Variants in TRAK1 observed in about 807,000 individuals in gnomAD.
The protein encoded by TRAK1 is trafficking kinesin protein 1.
In TRAK1, 33 loss-of-function variants were observed where a neutral mutation model predicts 92.1. The observed-to-expected ratio is 0.36, with a 90% confidence interval of 0.27 to 0.48. The LOEUF is 0.48. Among genes scored for constraint, TRAK1 ranks in the 20% least tolerant of loss-of-function variants. The pLI, the probability that TRAK1 is intolerant of heterozygous loss-of-function variation, is 0.99. For missense variants in TRAK1, 1,123 were observed against 1,257.9 expected (o/e 0.89, Z 1.62); for synonymous variants, 521 against 517.3 (o/e 1.01, Z -0.10).
chr3:42,140,386 T>G (rs1698494625), intron 2 of TRAK1, among the ~76,000 whole-genome samples: 1 of 152,076 alleles, frequency 6.6e-6, no homozygotes, highest in South Asian at 2.1e-4. Context: ...TCCCAGCATT[T>G]TGGGAGGCTG....
chr3:42,029,562 T>C (rs1275995146), intron 1 of TRAK1, among the ~76,000 whole-genome samples: 1 of 151,504 alleles, frequency 6.6e-6, no homozygotes, highest in East Asian at 1.9e-4. Flanking sequence ...TTTTTTTTTT[T>C]TTTTTGAGAC....
intron 11 of TRAK1, among the ~76,000 whole-genome samples, chr3:42,199,666 C>G (rs1056730486): frequency 6.6e-5 from 10 of 152,208 alleles, no homozygotes; most frequent in African/African-American, 2.4e-4. Context: ...CCATGTTGCT[C>G]AGGCTGATCT....
chr3:42,155,337 C>T (rs577234583), intron 2 of TRAK1, among the ~76,000 whole-genome samples: 1 of 152,266 alleles, frequency 6.6e-6, no homozygotes, highest in African/African-American at 2.4e-5. Context: ...AGACACCCTT[C>T]CAAATGTAAA....
At chr3:42,088,308 C>T (rs999855282), upstream of TRAK1, among the ~76,000 whole-genome samples, 1 of 152,130 alleles carries the variant, frequency 6.6e-6, no homozygotes, top group African/African-American at 2.4e-5. Flanking sequence ...CCGGGGGTCC[C>T]AGCCTGGTGC....
intron 1 of TRAK1, among the ~76,000 whole-genome samples, chr3:42,040,968 G>C (rs1702517482): frequency 6.6e-6 from 1 of 152,076 alleles, no homozygotes; most frequent in South Asian, 2.1e-4. Context: ...GTGAGCCACT[G>C]CGCCCAGCCA....
chr3:42,183,576 GA>G, intron 3 of TRAK1, among the ~76,000 whole-genome samples: 1 of 124,506 alleles, frequency 8.0e-6, no homozygotes, highest in Non-Finnish European at 1.8e-5. Flanking sequence ...AAAAAAGAAA[GA>G]AAGAATCAAT....
upstream of TRAK1, among the ~76,000 whole-genome samples, chr3:42,090,404 A>T (rs1704950236): frequency 6.6e-6 from 1 of 152,250 alleles, no homozygotes; most frequent in Admixed American, 6.5e-5. Context: ...GAAACTTCAC[A>T]GCTGGGCGTG....
chr3:42,092,711 G>A (rs9829240), intron 1 of TRAK1, among the ~76,000 whole-genome samples: 1,250 of 101,076 alleles, frequency 0.012, 18 homozygotes, highest in African/African-American at 0.027. Context: ...GTGTTGTGTT[G>A]TGTTATGTTA....
chr3:42,106,346 CAA>C (rs1707566449), intron 1 of TRAK1, among the ~76,000 whole-genome samples: 1 of 150,422 alleles, frequency 6.6e-6, no homozygotes, highest in Non-Finnish European at 1.5e-5. Context: ...AAATGGAAAA[CAA>C]AACAAAAAAA....
upstream of TRAK1, chr3:42,091,209 A>C (rs533761492): frequency 4.4e-6 from 2 of 458,244 alleles, no homozygotes; most frequent in Admixed American, 9.0e-5. Flanking sequence ...CCCAACCTAG[A>C]GGTATCACAT....
intron 1 of TRAK1, among the ~76,000 whole-genome samples, chr3:42,050,126 C>T (rs1012808456): frequency 1.3e-5 from 2 of 150,424 alleles, no homozygotes; most frequent in African/African-American, 2.5e-5. Context: ...GGGAGCCCTC[C>T]AGTCCCCTGC....
chr3:42,116,404 G>C (rs1433272939), intron 1 of TRAK1, among the ~76,000 whole-genome samples: 3 of 152,260 alleles, frequency 2.0e-5, no homozygotes, highest in African/African-American at 7.2e-5. Flanking sequence ...TTCAGCTAAA[G>C]CTGTAAACTG....
chr3:42,153,483 C>T lies in TRAK1; in HGVS notation c.287-23331C>T, dbSNP rs1011980542. On this transcript the variant is annotated intron_variant, in intron 2 of 15. Coordinates refer to ENST00000327628, the MANE Select transcript of TRAK1 (RefSeq NM_001042646.3). ...TTGTTGCTTCAGTTTCTTTTGTAAT[C>T]AGACTTGCTCTCCATCCCCGCTCAC... Among the ~76,000 whole-genome samples the T allele has an allele frequency of 4.6e-5, 7 of 152,120 alleles. No homozygotes were observed. In the South Asian group the frequency reaches 1.0e-3, roughly 23 times the overall value.
At chr3:42,106,493 A>G (rs908635952) in intron 1 of TRAK1, among the ~76,000 whole-genome samples, 4 of 152,258 alleles carry the variant, frequency 2.6e-5, no homozygotes, top group African/African-American at 4.8e-5. Context: ...CCTGGGCAAC[A>G]TAGTGAGACC....
At chr3:42,075,362 A>G (rs986197176) in intron 1 of TRAK1, among the ~76,000 whole-genome samples, 6 of 133,008 alleles carry the variant, frequency 4.5e-5, no homozygotes, top group Non-Finnish European at 6.6e-5. Context: ...AAAAAAAAAA[A>G]AAAAGAATGA....
intron 14 of TRAK1, among the ~76,000 whole-genome samples, chr3:42,216,339 A>G (rs1264973166): frequency 6.6e-6 from 1 of 152,074 alleles, no homozygotes; most frequent in Non-Finnish European, 1.5e-5. Context: ...AAGGATCCCA[A>G]CCACCCAGTT....
chr3:42,194,948 T>C lies in TRAK1; in HGVS notation c.1113+7T>C. On this transcript the variant is annotated splice_region_variant and intron_variant, in intron 10 of 15. Coordinates refer to ENST00000327628, the MANE Select transcript of TRAK1 (RefSeq NM_001042646.3). ...ACTGGGCCTGTTTCCCATGGTGAGC[T>C]GTGCTTTCTTCCCAGCCAGAGGACA... 6.2e-7 allele frequency: 1 copy of C among 1,613,386 alleles called. No individual in the cohort carries two copies.
chr3:42,202,488 G>C lies in TRAK1; in HGVS notation c.1480G>C (p.Asp494His). Residue 494 changes from aspartate to histidine, a missense_variant, in exon 13 of 16, where the codon GAC becomes CAC. By Grantham distance (81) the Asp-to-His change is moderately conservative. This residue lies in a region of TRAK1 where 686 missense variants were observed against 747.6 expected (regional missense o/e 0.92). Coordinates refer to ENST00000327628, the MANE Select transcript of TRAK1 (RefSeq NM_001042646.3). The surrounding 1 kb of genome is among the most constrained non-coding windows in gnomAD (Gnocchi z 6.1). ...GACGCCGGGCACCCCAGGCTCCCAC[G>C]ACCTGGAGACGGCGCTGAGGCGGCT... ...PGTPGTPGSH[D>H]LETALRRLSL... 6.7e-7 allele frequency: 1 copy of C among 1,501,694 alleles called. No homozygotes were observed. The highest frequency in any genetic ancestry group is 8.9e-7 in the Non-Finnish European group (1 of 1,121,992). 93.0% of individuals were successfully genotyped at this position (1,501,694 alleles called of 1,614,324 possible). A position where few individuals can be genotyped will look rare whatever the true frequency, so the allele number is the denominator to read the frequency against.
At chr3:42,100,559 G>A (rs1706603959) in intron 1 of TRAK1, among the ~76,000 whole-genome samples, 1 of 152,180 alleles carries the variant, frequency 6.6e-6, no homozygotes, top group Admixed American at 6.5e-5. Flanking sequence ...GCCAAGTGTG[G>A]CCATGTTTTT....
Sources: gnomAD v4.1 joint callset for allele counts (sites outside exome capture counted in the v4.1 genomes callset) on GRCh38, gnomAD v4.1.1 for gene constraint, gnomAD v4.1.1 regional missense constraint, Gnocchi (gnomAD v3.1) non-coding constraint, MANE v1.5 for transcripts, NCBI Gene and HGNC (gene_info 2026-07-23, HGNC 2026-07-21) for gene names.